Variants in HIPK2 observed in about 807,000 individuals in gnomAD.
HIPK2 encodes the protein homeodomain interacting protein kinase 2.
Under a neutral mutation model 113.7 loss-of-function variants are expected in HIPK2, and 27 were observed. The ratio of observed to expected loss-of-function variants is 0.24; its 90% CI spans 0.17 to 0.33. HIPK2 has a LOEUF of 0.33. HIPK2 is among the 10% of genes least tolerant of loss of function. HIPK2 has a pLI of 1.00. For missense variants in HIPK2, 1,257 were observed against 1,588.0 expected (o/e 0.79, Z 3.54); for synonymous variants, 631 against 642.2 (o/e 0.98, Z 0.26).
intron 1 of HIPK2, among the ~76,000 whole-genome samples, chr7:139,721,033 C>A (rs1795392354): frequency 6.6e-6 from 1 of 152,184 alleles, no homozygotes; most frequent in Non-Finnish European, 1.5e-5. Flanking sequence ...CAGGATCAGA[C>A]AGGAGGCCTA....
chr7:139,605,693 T>C (rs895660865), intron 9 of HIPK2, among the ~76,000 whole-genome samples: 1 of 152,164 alleles, frequency 6.6e-6, no homozygotes, highest in African/African-American at 2.4e-5. Context: ...ATCTCTTAGA[T>C]GTTTTTGATA....
intron 7 of HIPK2, among the ~76,000 whole-genome samples, chr7:139,615,737 G>C (rs928234399): frequency 4.6e-5 from 7 of 152,192 alleles, no homozygotes; most frequent in African/African-American, 1.7e-4. Context: ...TGTCACATTT[G>C]ATAAAAAGGA....
intron 9 of HIPK2, among the ~76,000 whole-genome samples, chr7:139,607,303 G>A (rs1799653497): frequency 6.6e-6 from 1 of 151,706 alleles, no homozygotes; most frequent in Non-Finnish European, 1.5e-5. Context: ...GAAAATGGAG[G>A]GGAAGAAATT....
intron 1 of HIPK2, among the ~76,000 whole-genome samples, chr7:139,759,394 C>G (rs1299638782): frequency 1.3e-5 from 2 of 152,202 alleles, no homozygotes; most frequent in African/African-American, 2.4e-5. Context: ...TTAAAAATGA[C>G]AGATGTATCT....
intron 6 of HIPK2, among the ~76,000 whole-genome samples, chr7:139,621,800 A>G: frequency 6.6e-6 from 1 of 151,588 alleles, no homozygotes; most frequent in Non-Finnish European, 1.5e-5. Flanking sequence ...GCACGTGCGC[A>G]TGGTCCCAGC....
intron 2 of HIPK2, among the ~76,000 whole-genome samples, chr7:139,639,601 AG>A (rs1800934286): frequency 6.6e-6 from 1 of 152,204 alleles, no homozygotes; most frequent in Admixed American, 6.5e-5. Flanking sequence ...GAGAGAAAGC[AG>A]GATGGGCTTC....
chr7:139,772,769 T>A (rs1000206181), intron 1 of HIPK2, among the ~76,000 whole-genome samples: 1 of 147,598 alleles, frequency 6.8e-6, no homozygotes, highest in Non-Finnish European at 1.5e-5. Flanking sequence ...TTTTTTTTTG[T>A]ATTTTTAGTA....
At chr7:139,654,069 T>C (rs1477361464) in intron 2 of HIPK2, among the ~76,000 whole-genome samples, 4 of 152,190 alleles carry the variant, frequency 2.6e-5, no homozygotes, top group African/African-American at 9.6e-5. Flanking sequence ...GGTTTGTGTA[T>C]GTGCAGCCCA....
At chr7:139,772,361 C>G (rs1209063277) in intron 1 of HIPK2, among the ~76,000 whole-genome samples, 1 of 152,182 alleles carries the variant, frequency 6.6e-6, no homozygotes, top group Non-Finnish European at 1.5e-5. Flanking sequence ...ATATCAGAAA[C>G]GAAAGTCTCT....
At chr7:139,717,917 A>G (rs1795296779) in intron 1 of HIPK2, among the ~76,000 whole-genome samples, 1 of 151,660 alleles carries the variant, frequency 6.6e-6, no homozygotes, top group African/African-American at 2.4e-5. Context: ...CTAATTTTTG[A>G]ATTTTTAGTA....
At chr7:139,600,297 G>T in intron 11 of HIPK2, 120 bp downstream of exon 11, 1 of 1,147,634 alleles carries the variant, frequency 8.7e-7, no homozygotes, top group Non-Finnish European at 1.2e-6. Flanking sequence ...GAAGAGGAGT[G>T]CCCCCATCCC....
intron 2 of HIPK2, among the ~76,000 whole-genome samples, chr7:139,640,923 T>G (rs919956311): frequency 6.6e-6 from 1 of 152,218 alleles, no homozygotes; most frequent in Admixed American, 6.5e-5. Flanking sequence ...GCTTCCTCAT[T>G]TTTTAAAGCC....
chr7:139,722,150 G>T, intron 1 of HIPK2: 1 of 222,062 alleles, frequency 4.5e-6, no homozygotes, highest in Non-Finnish European at 9.8e-6. Context: ...AAGCACTGAA[G>T]AACAAATTTA....
chr7:139,585,221 T>A (rs1462571440), intron 12 of HIPK2, among the ~76,000 whole-genome samples: 1 of 152,204 alleles, frequency 6.6e-6, no homozygotes, highest in East Asian at 1.9e-4. Flanking sequence ...CCCGGGTATC[T>A]TGTTTGAGGC....
At position 139,572,907 on chromosome 7, in the gene HIPK2, C is replaced by G; in HGVS notation, c.*20G>C. The G allele has an allele frequency of 1.6e-6, 1 of 617,812 alleles. No homozygotes were observed. The highest frequency in any genetic ancestry group is 2.8e-6 in the Non-Finnish European group (1 of 353,744). 38.3% of individuals were successfully genotyped at this position (617,812 alleles called of 1,614,324 possible). A position where few individuals can be genotyped will look rare whatever the true frequency, so the allele number is the denominator to read the frequency against. Reference sequence around the variant, plus strand: ...CGGGCCATTCTCTCCCTCCCTCCCTCCCTCCCTCCCCTCCAGTGTTTATAT... The same window carrying G: ...CGGGCCATTCTCTCCCTCCCTCCCTGCCTCCCTCCCCTCCAGTGTTTATAT... On this transcript the variant is annotated 3_prime_UTR_variant, in exon 15 of 15. Transcript: ENST00000406875.
At chr7:139,582,469 A>G (rs1377002475) in intron 13 of HIPK2, among the ~76,000 whole-genome samples, 1 of 152,208 alleles carries the variant, frequency 6.6e-6, no homozygotes, top group Non-Finnish European at 1.5e-5. Flanking sequence ...TCTGATGTCA[A>G]AGCTGCTTGG....
intron 1 of HIPK2, among the ~76,000 whole-genome samples, chr7:139,751,582 G>A (rs28640243): frequency 1.6e-3 from 234 of 145,692 alleles, no homozygotes; most frequent in African/African-American, 4.8e-3. Context: ...ATGGATGGTT[G>A]GATGGATAGA....
chr7:139,602,429 C>T (rs57217435), intron 10 of HIPK2, among the ~76,000 whole-genome samples: 16,950 of 152,092 alleles, frequency 0.11, 1,078 homozygotes, highest in Middle Eastern at 0.14. Context: ...AGTATGCTGG[C>T]TTTAGATGTC....
chr7:139,733,349 C>T (rs998110053), intron 1 of HIPK2, among the ~76,000 whole-genome samples: 2 of 152,214 alleles, frequency 1.3e-5, no homozygotes, highest in African/African-American at 4.8e-5. Context: ...AGAGGCCTAG[C>T]TAACACAGAA....
Sources: gnomAD v4.1 joint callset for allele counts (sites outside exome capture counted in the v4.1 genomes callset) on GRCh38, gnomAD v4.1.1 for gene constraint, MANE v1.5 for transcripts, NCBI Gene and HGNC (gene_info 2026-07-23, HGNC 2026-07-21) for gene names.